CEP70: variants seen among roughly 807,000 people sequenced by gnomAD.
The protein encoded by CEP70 is centrosomal protein 70, also known as centrosomal protein of 70 kDa.
CEP70 carries 70 observed loss-of-function variants against 90.9 expected under a neutral mutation model. The ratio of observed to expected loss-of-function variants is 0.77; its 90% CI spans 0.64 to 0.94. The LOEUF (loss-of-function observed/expected upper bound fraction) is 0.94, where lower values mean the gene tolerates loss of function less well. CEP70 is among the 40% of genes least tolerant of loss of function. The probability of loss-of-function intolerance (pLI) is 0.00; values close to 1 mark genes in which losing one functional copy is unlikely to be tolerated. For synonymous variants in CEP70, 220 were observed against 228.3 expected (o/e 0.96, Z 0.33); for missense variants, 648 against 669.0 (o/e 0.97, Z 0.35).
chr3:138,541,745 G>A (rs1370107661), intron 6 of CEP70, among the ~76,000 whole-genome samples: 5 of 152,218 alleles, frequency 3.3e-5, no homozygotes, highest in Non-Finnish European at 7.3e-5. Flanking sequence ...CAGTAGGCTA[G>A]GCACAGTGGC....
chr3:138,508,181 G>C, intron 12 of CEP70, among the ~76,000 whole-genome samples: 1 of 152,264 alleles, frequency 6.6e-6, no homozygotes, highest in South Asian at 2.1e-4. Flanking sequence ...TAGGGAAAAG[G>C]ATTATAGAAA....
chr3:138,522,061 G>C (rs572889041), intron 11 of CEP70, among the ~76,000 whole-genome samples: 1 of 152,268 alleles, frequency 6.6e-6, no homozygotes, highest in Non-Finnish European at 1.5e-5. Flanking sequence ...GATGTGCTTT[G>C]TTAAACAGAT....
chr3:138,532,729 T>C (rs909219483), intron 7 of CEP70, among the ~76,000 whole-genome samples, 159 bp from the exon 8 acceptor site: 1 of 152,214 alleles, frequency 6.6e-6, no homozygotes, highest in Non-Finnish European at 1.5e-5. Context: ...GCAAATACTA[T>C]ACTAAGTCAT....
chr3:138,526,568 G>A (rs2037273474), intron 10 of CEP70, among the ~76,000 whole-genome samples: 1 of 152,102 alleles, frequency 6.6e-6, no homozygotes, highest in African/African-American at 2.4e-5. Context: ...TTTGTTGAAT[G>A]AAAAAAGGCT....
chr3:138,573,267 G>T (rs888562694), intron 2 of CEP70, among the ~76,000 whole-genome samples: 2 of 151,786 alleles, frequency 1.3e-5, no homozygotes, highest in Non-Finnish European at 2.9e-5. Context: ...ACAGAGGAAA[G>T]AATGGAGTAG....
intron 6 of CEP70, among the ~76,000 whole-genome samples, chr3:138,566,749 T>C (rs1325256966): frequency 6.6e-6 from 1 of 151,876 alleles, no homozygotes; most frequent in Non-Finnish European, 1.5e-5. Flanking sequence ...CCATGGCACG[T>C]GTATACCTAT....
At chr3:138,511,554 T>C (rs1205634313) in intron 11 of CEP70, among the ~76,000 whole-genome samples, 4 of 152,252 alleles carry the variant, frequency 2.6e-5, no homozygotes, top group African/African-American at 9.6e-5. Flanking sequence ...ACTGTAGATA[T>C]ACAACATTTT....
Position 138,530,530 on chromosome 3 carries a change from T to G in CEP70, c.693-1068A>C, listed in dbSNP as rs551098818. Reference sequence around the variant, plus strand: ...AAAACAACAACAACAACAAAAAACTTCGGACAACACTGGCCTTAAAAAAAT... The same window carrying G: ...AAAACAACAACAACAACAAAAAACTGCGGACAACACTGGCCTTAAAAAAAT... On this transcript the variant is annotated intron_variant, in intron 8 of 17. Coordinates refer to ENST00000264982, the MANE Select transcript of CEP70 (RefSeq NM_024491.4). 9 of 962,486 alleles carry G rather than the reference T, an allele frequency of 9.4e-6. 1 individual carries two copies. The South Asian group carries it at 3.4e-4, about 36-fold the overall frequency. 59.6% of individuals were successfully genotyped at this position (962,486 alleles called of 1,614,324 possible).
In CEP70 at chr3:138,532,605, C is replaced by T. The variant is rs201841992; in HGVS notation, c.636-35G>A. 14 of 1,417,732 alleles carry T rather than the reference C, an allele frequency of 9.9e-6. No individual in the cohort carries two copies. The African/African-American group carries it at 1.2e-4, about 12-fold the overall frequency. The allele number at this position is 1,417,732 out of a possible 1,614,324, so 87.8% of individuals were successfully genotyped here. On this transcript the variant is annotated intron_variant, in intron 7 of 17. Coordinates refer to ENST00000264982, the MANE Select transcript of CEP70 (RefSeq NM_024491.4). ...AGAATATTGAATTATTTTCAAAATG[C>T]GGTATGGTATTACAGCATCTACTAG...
In CEP70 at chr3:138,500,217, T is replaced by C. The variant is rs1179274472; in HGVS notation, c.1545A>G (p.Ser515=). 6 of 1,605,810 alleles carry C rather than the reference T, an allele frequency of 3.7e-6. No individual in the cohort carries two copies. The highest frequency in any genetic ancestry group is 4.3e-6 in the Non-Finnish European group (5 of 1,173,042). The change falls in exon 16 of 18, where the codon TCA becomes TCG. Residue 515 remains serine, a synonymous_variant. Coordinates refer to ENST00000264982, the MANE Select transcript of CEP70 (RefSeq NM_024491.4). ...TGCTTACTAGCACACACAATGAGGA[T>C]GAACTATCTGCAAAAGAGAAATAAA... The part of the protein sequence containing the change: ...NLQELLELDS[S]SSLCVLVSTV...
intron 6 of CEP70, among the ~76,000 whole-genome samples, chr3:138,539,294 G>A (rs998120015): frequency 6.6e-6 from 1 of 152,148 alleles, no homozygotes; most frequent in Non-Finnish European, 1.5e-5. Flanking sequence ...GATTACAGGT[G>A]TGAGCCACCA....
intron 6 of CEP70, among the ~76,000 whole-genome samples, chr3:138,556,688 C>T (rs1005232514): frequency 7.9e-5 from 12 of 152,084 alleles, no homozygotes; most frequent in African/African-American, 2.4e-4. Context: ...GGAGACATCA[C>T]GTCGGTAGGT....
intron 5 of CEP70, 138 bp downstream of exon 5, chr3:138,570,895 AT>A (rs2041127385): frequency 1.6e-6 from 1 of 639,606 alleles, no homozygotes; most frequent in African/African-American, 1.9e-5. Flanking sequence ...AGATTTACCT[AT>A]TAAAATTTTA....
At chr3:138,523,220 T>C (rs2036857040) in intron 11 of CEP70, among the ~76,000 whole-genome samples, 1 of 152,180 alleles carries the variant, frequency 6.6e-6, no homozygotes, top group Non-Finnish European at 1.5e-5. Context: ...TGATGGGACA[T>C]ATCTCAAAAT....
At chr3:138,502,044 C>G (rs918886396) in intron 13 of CEP70, among the ~76,000 whole-genome samples, 9 of 152,008 alleles carry the variant, frequency 5.9e-5, no homozygotes, top group African/African-American at 1.9e-4. Context: ...ACAACGCTGT[C>G]CAAAAGAAAT....
intron 17 of CEP70, chr3:138,497,564 G>A (rs2034059316): frequency 3.1e-5 from 30 of 957,446 alleles, no homozygotes; most frequent in Non-Finnish European, 3.7e-5. Context: ...CTCAGTATAA[G>A]TGTAATATTT....
intron 6 of CEP70, 55 bp from the exon 7 acceptor site, chr3:138,537,402 T>C (rs1463401269): frequency 8.0e-7 from 1 of 1,253,486 alleles, no homozygotes; most frequent in Non-Finnish European, 1.1e-6. Context: ...GGACATGCTA[T>C]CCTAACAGTA....
intron 7 of CEP70, among the ~76,000 whole-genome samples, chr3:138,534,867 T>C (rs553077837): frequency 1.3e-5 from 2 of 152,340 alleles, no homozygotes; most frequent in East Asian, 3.9e-4. Flanking sequence ...CCTCCACTCC[T>C]TTCAACATCT....
chr3:138,544,509 G>GTGTA (rs34978232), intron 6 of CEP70, among the ~76,000 whole-genome samples: 61,524 of 148,940 alleles, frequency 0.41, 13,165 homozygotes, highest in Non-Finnish European at 0.47. Flanking sequence ...ACTACAGAGT[G>GTGTA]TGTATGTATG....
Sources: allele counts gnomAD v4.1 joint callset (sites outside exome capture counted in the v4.1 genomes callset), GRCh38; gene constraint gnomAD v4.1.1; transcripts MANE v1.5; gene names NCBI Gene and HGNC (gene_info 2026-07-23, HGNC 2026-07-21).